RGS6: variants seen among roughly 807,000 people sequenced by gnomAD.
RGS6 encodes the protein regulator of G protein signaling 6.
Under a neutral mutation model 78.5 loss-of-function variants are expected in RGS6, and 30 were observed. The ratio of observed to expected loss-of-function variants is 0.38; its 90% confidence interval spans 0.29 to 0.52. The LOEUF is 0.52. Among genes scored for constraint, RGS6 ranks in the 20% least tolerant of loss-of-function variants. The pLI is 0.85. For synonymous variants in RGS6, 206 were observed against 206.0 expected, an observed-to-expected ratio of 1.00 and a Z score of 0.00; for missense variants, 495 against 609.7, an observed-to-expected ratio of 0.81 and a Z score of 1.98.
intron 2 of RGS6, among the ~76,000 whole-genome samples, chr14:72,110,099 T>C (rs1338378404): frequency 6.6e-6 from 1 of 152,204 alleles, no homozygotes; most frequent in East Asian, 1.9e-4. Context: ...GCTTTCAATG[T>C]AGAGTTCTTT....
intron 3 of RGS6, among the ~76,000 whole-genome samples, chr14:72,430,092 A>T (rs893012098): frequency 6.6e-6 from 1 of 152,236 alleles, no homozygotes; most frequent in Non-Finnish European, 1.5e-5. Flanking sequence ...AGTTCTTTAC[A>T]GCAGTATGAA....
chr14:72,594,242 T>A, the RGS6 span: 1 of 152,406 alleles, frequency 6.6e-6, no homozygotes, highest in African/African-American at 2.4e-5. Flanking sequence ...AGAGCCCTCC[T>A]GCCCCACGCT....
intron 2 of RGS6, among the ~76,000 whole-genome samples, chr14:72,013,203 G>T (rs1242216305): frequency 2.0e-5 from 3 of 149,240 alleles, no homozygotes; most frequent in Admixed American, 6.7e-5. Context: ...CCTGGGAGGT[G>T]GGGGTTGCAG....
chr14:72,287,411 C>A (rs184835753), intron 2 of RGS6, among the ~76,000 whole-genome samples: 1 of 152,140 alleles, frequency 6.6e-6, no homozygotes, highest in South Asian at 2.1e-4. Flanking sequence ...TTTTATTTTT[C>A]GTTAGTATAA....
chr14:72,350,513 G>T (rs527394731), intron 2 of RGS6, among the ~76,000 whole-genome samples: 1 of 152,250 alleles, frequency 6.6e-6, no homozygotes, highest in Admixed American at 6.5e-5. Flanking sequence ...GACCAGTTCT[G>T]GCCAAGGATT....
At chr14:72,111,656 G>A (rs1323925456) in intron 2 of RGS6, among the ~76,000 whole-genome samples, 1 of 152,062 alleles carries the variant, frequency 6.6e-6, no homozygotes, top group Non-Finnish European at 1.5e-5. Context: ...CTCCAGACAG[G>A]GTTTTGACAA....
intron 3 of RGS6, among the ~76,000 whole-genome samples, chr14:72,355,274 A>AC (rs1364553269): frequency 6.6e-6 from 1 of 150,670 alleles, no homozygotes; most frequent in Non-Finnish European, 1.5e-5. Context: ...GCTCACTGAA[A>AC]CCCCCACCTC....
chr14:72,299,734 A>T (rs932653686), intron 2 of RGS6, among the ~76,000 whole-genome samples: 4 of 152,204 alleles, frequency 2.6e-5, no homozygotes, highest in Admixed American at 2.0e-4. Flanking sequence ...ATGGCTAATG[A>T]TGTTGAGCAT....
intron 2 of RGS6, among the ~76,000 whole-genome samples, chr14:71,994,223 G>T (rs371768973): frequency 6.6e-6 from 1 of 151,930 alleles, no homozygotes; most frequent in African/African-American, 2.4e-5. Flanking sequence ...TCAGTCTCCC[G>T]CTGTTAGAAT....
rs1048415405 is a variant in RGS6, at chr14:72,483,978, A to AG, written c.854+5649_854+5650insG. On this transcript the variant is annotated intron_variant, in intron 12 of 17. Transcript: ENST00000553525. The stretch of plus-strand genomic sequence containing the variant: ...CCACCTTCTCCAAGTGAAAAAAAAA[A>AG]AGCTAGATTAATTAATTAATTGCTA... Among the ~76,000 whole-genome samples the AG allele has an allele frequency of 4.6e-5, 7 of 151,820 alleles. No homozygotes were observed. In the South Asian group the frequency reaches 8.3e-4, roughly 18 times the overall value.
At chr14:72,361,562 A>G (rs2152792609) in intron 3 of RGS6, among the ~76,000 whole-genome samples, 1 of 152,308 alleles carries the variant, frequency 6.6e-6, no homozygotes, top group African/African-American at 2.4e-5. Context: ...ACAATAATAT[A>G]AGATATAACC....
chr14:72,339,253 T>C (rs1459055783), intron 2 of RGS6, among the ~76,000 whole-genome samples: 1 of 152,166 alleles, frequency 6.6e-6, no homozygotes, highest in Non-Finnish European at 1.5e-5. Context: ...TGAGGAAGCC[T>C]GTTTGGCTCT....
In RGS6 at chr14:72,296,392, A is replaced by G. The variant is rs143978864; in HGVS notation, c.85-55703A>G. 2.3e-4 allele frequency among the ~76,000 whole-genome samples: 35 copies of G among 152,310 alleles called. 1 individual carries two copies. The East Asian group carries it at 6.7e-3, about 29-fold the overall frequency. ...TTGCTGAGTGATAAGAGTGATGCAT[A>G]TCTTTTAAGAAAAAAACTATCAGAG... On this transcript the variant is annotated intron_variant, in intron 2 of 17. Transcript: ENST00000553525.
intron 2 of RGS6, among the ~76,000 whole-genome samples, chr14:72,240,036 A>T (rs763062637): frequency 2.0e-5 from 3 of 152,154 alleles, no homozygotes; most frequent in Non-Finnish European, 4.4e-5. Context: ...CTACACACAC[A>T]CACACGCTTA....
chr14:72,453,109 C>G (rs1467396933), intron 3 of RGS6, among the ~76,000 whole-genome samples: 1 of 152,074 alleles, frequency 6.6e-6, no homozygotes, highest in East Asian at 1.9e-4. Flanking sequence ...TTTCTATCAT[C>G]AAATGGCAAA....
intron 2 of RGS6, among the ~76,000 whole-genome samples, chr14:72,023,569 G>C (rs961653870): frequency 6.6e-6 from 1 of 152,186 alleles, no homozygotes; most frequent in African/African-American, 2.4e-5. Flanking sequence ...TTAATCCACT[G>C]TCCCTCACTT....
chr14:71,945,820 T>G (rs748582809), intron 1 of RGS6, among the ~76,000 whole-genome samples: 1 of 152,184 alleles, frequency 6.6e-6, no homozygotes, highest in Non-Finnish European at 1.5e-5. Context: ...TAAAAATTAT[T>G]AACCAATTTC....
At chr14:72,602,473 C>T in the RGS6 span, among the ~76,000 whole-genome samples, 2 of 152,130 alleles carry the variant, frequency 1.3e-5, no homozygotes, top group African/African-American at 4.8e-5. Context: ...TGTAGCATGG[C>T]CGCCACAGGT....
At chr14:72,136,881 A>G (rs1034275385) in intron 2 of RGS6, among the ~76,000 whole-genome samples, 21 of 152,186 alleles carry the variant, frequency 1.4e-4, no homozygotes, top group Admixed American at 5.2e-4. Context: ...TTACATTAAT[A>G]TGACTATTTT....
Sources: gnomAD v4.1 joint callset for allele counts (sites outside exome capture counted in the v4.1 genomes callset) on GRCh38, gnomAD v4.1.1 for gene constraint, MANE v1.5 for transcripts, NCBI Gene and HGNC (gene_info 2026-07-23, HGNC 2026-07-21) for gene names.